The following SACS variants were observed in gnomAD, a reference collection of about 807,000 sequenced individuals.
SACS encodes sacsin.
A neutral mutation model predicts 348.0 loss-of-function variants in SACS; 197 were observed. That is an observed-to-expected ratio of 0.57 (90% confidence interval 0.50 to 0.64). The LOEUF (loss-of-function observed/expected upper bound fraction) is 0.64, where lower values mean the gene tolerates loss of function less well. Among genes scored for constraint, SACS ranks in the 30% least tolerant of loss-of-function variants. SACS has a pLI of 0.00. For missense variants in SACS, 4,999 were observed against 5,360.8 expected (o/e 0.93, Z 2.11); for synonymous variants, 1,985 against 1,910.6 (o/e 1.04, Z -1.02).
At position 23,336,392 on chromosome 13, in the gene SACS, T is replaced by G. The variant is rs750876753; in HGVS notation, c.7484A>C (p.Lys2495Thr). ...GTGTCGCTTTGGGACTGCTCCTAGT[T>G]TTACTGCTACTTCCCTGGGTATGTC... ...HADIPREVAV[K>T]LGAVPKRHKA... Residue 2495 changes from lysine to threonine, a missense_variant, in exon 10 of 10, where the codon AAA (lysine) becomes ACA (threonine). Around this residue, in one of 6 missense-constraint regions of SACS, gnomAD observed 3,156 missense variants for 3,380.1 expected, o/e 0.93. Transcript: ENST00000382292. The G allele has an allele frequency of 1.2e-6, 2 of 1,613,994 alleles. No individual in the cohort carries two copies. The highest frequency in any genetic ancestry group is 1.7e-6 in the Non-Finnish European group (2 of 1,179,964).
In SACS at chr13:23,341,676, G is replaced by A; in HGVS notation, c.2200C>T (p.Gln734Ter). 1 of 1,612,352 alleles carries A rather than the reference G, an allele frequency of 6.2e-7. No homozygotes were observed. The highest frequency in any genetic ancestry group is 8.5e-7 in the Non-Finnish European group (1 of 1,179,732). Residue 734 changes from glutamine to a stop codon, truncating the protein, a stop_gained, in exon 10 of 10, where the codon CAG becomes TAG. Transcript: ENST00000382292. LOFTEE classifies it high-confidence loss of function. ...AAQTRGRPCT[Q>*]LQLLNPERFA... ...CGTTCTGGATTTAGAAGCTGCAGCT[G>A]AGTACATGGTCTTCCTGTAAATCAT...
intron 1 of SACS, among the ~76,000 whole-genome samples, chr13:23,425,851 G>C (rs1302413010): frequency 2.0e-5 from 3 of 152,182 alleles, no homozygotes; most frequent in Non-Finnish European, 2.9e-5. Flanking sequence ...GGGTCTGTGT[G>C]ACAAGGCAGA....
rs764664912 is a variant in SACS, at chr13:23,333,085, C to T, written c.10791G>A (p.Gln3597=). The T allele has an allele frequency of 5.1e-5, 82 of 1,613,756 alleles. No individual in the cohort carries two copies. Among genetic ancestry groups the T allele is most frequent in the Non-Finnish European group, 1.7e-5 (20 of 1,179,846 alleles). ...CCTTAGCAAACTGTAACAACTGCTG[C>T]TGAGAAAGTATGTATTTTAGTCCAA... ...RNIGLKYILS[Q]QQLLQFAKEI... The change falls in exon 10 of 10, where the codon CAG becomes CAA. Residue 3597 remains glutamine, a synonymous_variant. Coordinates refer to ENST00000382292, the MANE Select transcript of SACS (RefSeq NM_014363.6).
rs140034972 is a variant in SACS, at chr13:23,336,349, A to G, written c.7527T>C (p.Tyr2509=). ...VPKRHKALER[Y]ASNVCFTTLG... ...GTGTTGTAAAACAGACATTGGATGC[A>G]TATCTTTCTAAGGCTTTGTGTCGCT... Residue 2509 remains tyrosine, a synonymous_variant, in exon 10 of 10, where the codon TAT becomes TAC. Coordinates refer to ENST00000382292, the MANE Select transcript of SACS (RefSeq NM_014363.6). 986 of 1,614,066 alleles carry G rather than the reference A, an allele frequency of 6.1e-4. 2 individuals carry two copies. The highest frequency in any genetic ancestry group is 2.6e-3 in the African/African-American group (192 of 75,032).
rs2137716894 is a variant in SACS at position 23,354,635 on chromosome 13, G to C, written c.1977C>G (p.Ala659=). Residue 659 remains alanine, a synonymous_variant, in exon 8 of 10, where the codon GCC becomes GCG. Transcript: ENST00000382292. ...HLLEFVLSDQ[A]YSELLGLELL... is the part of the protein sequence containing the mutation. ...GCTCCAGCCCAAGCAGCTCACTGTA[G>C]GCTTGGTCAGAAAGCACAAATTCTA... The C allele has an allele frequency of 1.2e-6, 2 of 1,614,216 alleles. No individual in the cohort carries two copies. Among genetic ancestry groups the C allele is most frequent in the East Asian group, 2.2e-5 (1 of 44,882 alleles).
rs1047224088 is a variant in SACS at position 23,335,058 on chromosome 13, T to C, written c.8818A>G (p.Thr2940Ala). The C allele has an allele frequency of 1.9e-6, 3 of 1,613,288 alleles. No homozygotes were observed. Among genetic ancestry groups the C allele is most frequent in the South Asian group, 2.2e-5 (2 of 90,994 alleles). ...KKRYFPGSDPTLSVLQNTPIH... is the reference protein window; with the variant it reads ...KKRYFPGSDPALSVLQNTPIH... ...GGGGTGTTCTGTAACACTGATAATG[T>C]TGGATCAGAACCAGGGAAATACCGT... is the stretch of plus-strand genomic sequence containing the variant. The change falls in exon 10 of 10, where the codon ACA (threonine) becomes GCA (alanine). Residue 2940 changes from threonine (T) to alanine (A), a missense_variant. Physicochemically the swap from Thr to Ala is moderately conservative, Grantham distance 58. Transcript: ENST00000382292. The surrounding 1 kb of genome is among the most constrained non-coding windows in gnomAD (Gnocchi z 4.7).
At chr13:23,398,687 T>C (rs995227209) in intron 2 of SACS, among the ~76,000 whole-genome samples, 1 of 152,102 alleles carries the variant, frequency 6.6e-6, no homozygotes, top group African/African-American at 2.4e-5. Flanking sequence ...AATTGAGATC[T>C]GGGATCAACG....
intron 6 of SACS, among the ~76,000 whole-genome samples, chr13:23,364,325 T>C (rs1019903323): frequency 9.9e-5 from 15 of 152,226 alleles, no homozygotes; most frequent in African/African-American, 3.4e-4. Flanking sequence ...TTCAGAGGTA[T>C]ACTAAATTGA....
In SACS at chr13:23,358,452, C is replaced by T; in HGVS notation, c.487G>A (p.Val163Ile). Residue 163 changes from valine to isoleucine, a missense_variant, in exon 7 of 10, where the codon GTT (valine) becomes ATT (isoleucine). Transcript: ENST00000382292. ...CCGTGCCAGTCCTCTGGGGTGAAAA[C>T]CGCGTTGTTGTACACATAGAGAGCT... ...GPALYVYNNA[V>I]FTPEDWHGIQ... The T allele has an allele frequency of 6.2e-7, 1 of 1,614,168 alleles. No individual in the cohort carries two copies. Among genetic ancestry groups the T allele is most frequent in the Middle Eastern group, 1.6e-4 (1 of 6,062 alleles).
intron 2 of SACS, among the ~76,000 whole-genome samples, chr13:23,409,347 G>A (rs377617514): frequency 0.011 from 1,523 of 137,266 alleles, 29 homozygotes; most frequent in African/African-American, 0.04. Flanking sequence ...GAGCCACCGC[G>A]CTGGCCGTTT....
chr13:23,339,506 CTT>C lies in SACS; in HGVS notation c.4368_4369del (p.Glu1458AlafsTer7). 4 of 1,612,320 alleles carry C rather than the reference CTT, an allele frequency of 2.5e-6. No homozygotes were observed. Among genetic ancestry groups the C allele is most frequent in the Non-Finnish European group, 3.4e-6 (4 of 1,178,806 alleles). On this transcript the variant is annotated frameshift_variant, in exon 10 of 10. Transcript: ENST00000382292. LOFTEE classifies it high-confidence loss of function. ...TTTAATTCTTACAGTAAGTGGCTCT[CTT>C]TGTCCTGACTGCTCAAATCCCATGT... is the stretch of plus-strand genomic sequence containing the variant.
intron 9 of SACS, among the ~76,000 whole-genome samples, chr13:23,350,897 G>T (rs570649108): frequency 6.6e-6 from 1 of 152,300 alleles, no homozygotes; most frequent in African/African-American, 2.4e-5. Flanking sequence ...GACTCAAAGG[G>T]ACAGATGTTT....
chr13:23,412,605 G>T (rs539287801), intron 1 of SACS, among the ~76,000 whole-genome samples: 48 of 152,014 alleles, frequency 3.2e-4, no homozygotes, highest in African/African-American at 1.1e-3. Context: ...GTGGAGATGG[G>T]GTTTTGCCCT....
At chr13:23,361,122 C>T (rs1870709189) in intron 6 of SACS, among the ~76,000 whole-genome samples, 1 of 152,122 alleles carries the variant, frequency 6.6e-6, no homozygotes, top group African/African-American at 2.4e-5. Flanking sequence ...GAAGAGGAAA[C>T]ATGGTGAAAA....
At chr13:23,386,102 G>A (rs1450577430) in intron 2 of SACS, among the ~76,000 whole-genome samples, 4 of 152,178 alleles carry the variant, frequency 2.6e-5, no homozygotes, top group Non-Finnish European at 5.9e-5. Flanking sequence ...TAGGATCCTT[G>A]GAATGGTAAA....
rs757032827 is a variant in SACS, at chr13:23,336,440, G to A, written c.7436C>T (p.Thr2479Ile). ...NDCPWIKVKD[T>I]TVKYCHADIP... ...GTCAGCATGACAATATTTTACAGTGGTATCCTTTACTTTTATCCAAGGGCA... is the reference window on the plus strand; with the variant it reads ...GTCAGCATGACAATATTTTACAGTGATATCCTTTACTTTTATCCAAGGGCA... Residue 2479 changes from threonine to isoleucine, a missense_variant, in exon 10 of 10, where the codon ACC (threonine) becomes ATC (isoleucine). Thr to Ile is a moderately conservative substitution (Grantham distance 89). This residue lies in a region of SACS where 3,156 missense variants were observed against 3,380.1 expected (regional missense o/e 0.93). Coordinates refer to ENST00000382292, the MANE Select transcript of SACS (RefSeq NM_014363.6). The A allele has an allele frequency of 1.2e-6, 2 of 1,614,034 alleles. No homozygotes were observed. The highest frequency in any genetic ancestry group is 1.7e-6 in the Non-Finnish European group (2 of 1,179,934).
intron 2 of SACS, among the ~76,000 whole-genome samples, chr13:23,392,648 C>T (rs995136678): frequency 6.6e-5 from 10 of 152,216 alleles, no homozygotes; most frequent in Admixed American, 5.2e-4. Flanking sequence ...CAAGGCCACA[C>T]GACTAGCAAA....
At position 23,341,588 on chromosome 13, in the gene SACS, T is replaced by A; in HGVS notation, c.2288A>T (p.Gln763Leu). Residue 763 changes from glutamine (Q) to leucine (L), a missense_variant, in exon 10 of 10, where the codon CAA becomes CTA. Around this residue, in one of 6 missense-constraint regions of SACS, gnomAD observed 3,156 missense variants for 3,380.1 expected, o/e 0.93. Transcript: ENST00000382292. ...TFWPGRELIV[Q>L]WYPFDENRNH... ...TCTGTTTTCATCAAATGGATACCAT[T>A]GAACAATCAATTCTCTGCCAGGCCA... 2 of 1,614,058 alleles carry A rather than the reference T, an allele frequency of 1.2e-6. No homozygotes were observed. The highest frequency in any genetic ancestry group is 8.5e-7 in the Non-Finnish European group (1 of 1,179,998).
chr13:23,375,352 C>G (rs968083919), intron 2 of SACS, 83 bp from the exon 3 acceptor site: 5 of 1,303,920 alleles, frequency 3.8e-6, no homozygotes, highest in Non-Finnish European at 3.9e-6. Flanking sequence ...CCCGCGTTAC[C>G]TCTCCCACAT....
Sources: gnomAD v4.1 joint callset for allele counts (sites outside exome capture counted in the v4.1 genomes callset) on GRCh38, gnomAD v4.1.1 for gene constraint, gnomAD v4.1.1 regional missense constraint, Gnocchi (gnomAD v3.1) non-coding constraint, MANE v1.5 for transcripts, NCBI Gene and HGNC (gene_info 2026-07-23, HGNC 2026-07-21) for gene names.